The following FARSB variants were observed in gnomAD, a reference collection of about 807,000 sequenced individuals.
FARSB encodes the protein phenylalanyl-tRNA synthetase subunit beta.
Under a neutral mutation model 69.6 loss-of-function variants are expected in FARSB, and 40 were observed. That is an observed-to-expected ratio of 0.57 (90% CI 0.45 to 0.75). The LOEUF is 0.75. Ranked by LOEUF, FARSB falls within the 30% of genes least tolerant of loss-of-function variation. The pLI is 0.00. For synonymous variants in FARSB, 235 were observed against 247.2 expected (o/e 0.95, Z 0.46); for missense variants, 632 against 722.9 (o/e 0.87, Z 1.44).
At chr2:222,594,093 CA>C (rs33937937) in intron 16 of FARSB, among the ~76,000 whole-genome samples, 48 of 51,574 alleles carry the variant, frequency 9.3e-4, no homozygotes, top group African/African-American at 3.2e-3. Flanking sequence ...CCCGCCTCTA[CA>C]AAAAAAAAAA....
chr2:222,582,403 C>T (rs1213702561), intron 16 of FARSB, among the ~76,000 whole-genome samples: 1 of 152,164 alleles, frequency 6.6e-6, no homozygotes, highest in Non-Finnish European at 1.5e-5. Flanking sequence ...TGCACACATA[C>T]ATCAGAAGGA....
At chr2:222,591,614 A>G (rs1690278725) in intron 16 of FARSB, among the ~76,000 whole-genome samples, 1 of 152,226 alleles carries the variant, frequency 6.6e-6, no homozygotes, top group African/African-American at 2.4e-5. Context: ...AAACTTCTTC[A>G]TTTTCTACAA....
rs192845696 is a variant in FARSB, at chr2:222,586,593, T to C, written c.1618+13335A>G. Among the ~76,000 whole-genome samples, 409 of 152,252 alleles carry C rather than the reference T, an allele frequency of 2.7e-3. 1 individual carries two copies. The highest frequency in any genetic ancestry group is 9.4e-3 in the African/African-American group (389 of 41,540). On this transcript the variant is annotated intron_variant, in intron 16 of 16. Coordinates refer to ENST00000281828, the MANE Select transcript of FARSB (RefSeq NM_005687.5). ...ATTGGATAGAATCAAGACCCATCAG[T>C]GTGCTGTATTCAGGAGACTCATCTC...
intron 7 of FARSB, among the ~76,000 whole-genome samples, chr2:222,632,043 TGGTGCAATGGCAC>T (rs1691441600): frequency 1.3e-5 from 2 of 152,052 alleles, no homozygotes; most frequent in African/African-American, 4.8e-5. Flanking sequence ...TGGCACGACA[TGGTGCAATGGCAC>T]GACATGGTGC....
intron 16 of FARSB, among the ~76,000 whole-genome samples, chr2:222,589,027 C>A (rs953454817): frequency 2.0e-5 from 3 of 152,060 alleles, no homozygotes; most frequent in East Asian, 3.9e-4. Context: ...GTTCATATGG[C>A]ACCAAAAAAG....
rs1005902212 is a variant in FARSB, at chr2:222,571,734, C to G, written c.*137G>C. 1.5e-5 allele frequency: 11 copies of G among 715,572 alleles called. No individual in the cohort carries two copies. Among genetic ancestry groups the G allele is most frequent in the Non-Finnish European group, 2.3e-5 (10 of 437,796 alleles). The allele number at this position is 715,572 out of a possible 1,614,324, so 44.3% of individuals were successfully genotyped here. A position where few individuals can be genotyped will look rare whatever the true frequency, so the allele number is the denominator to read the frequency against. ...TATGCAGGGAAAGGATGGTCTCTAC[C>G]CACACAGCCAGACAGTGCTTTCTAC... is the stretch of plus-strand genomic sequence containing the variant. On this transcript the variant is annotated 3_prime_UTR_variant, in exon 17 of 17. Coordinates refer to ENST00000281828, the MANE Select transcript of FARSB (RefSeq NM_005687.5).
chr2:222,632,112 G>A (rs1384672867), intron 7 of FARSB, among the ~76,000 whole-genome samples: 1 of 151,088 alleles, frequency 6.6e-6, no homozygotes, highest in Non-Finnish European at 1.5e-5. Context: ...GGCAACAAAA[G>A]CAAATCTCTG....
chr2:222,600,124 A>G, intron 15 of FARSB, 41 bp from the exon 16 acceptor site: 1 of 1,522,376 alleles, frequency 6.6e-7, no homozygotes, highest in Non-Finnish European at 8.8e-7. Flanking sequence ...TGTATTAACC[A>G]TTGCTTAAGA....
At chr2:222,606,105 TA>T (rs1690698192) in intron 15 of FARSB, among the ~76,000 whole-genome samples, 1 of 152,140 alleles carries the variant, frequency 6.6e-6, no homozygotes, top group South Asian at 2.1e-4. Context: ...CCGTAATAAT[TA>T]GATTAACCTC....
At chr2:222,649,593 T>C (rs1289206146) in intron 1 of FARSB, among the ~76,000 whole-genome samples, 1 of 152,236 alleles carries the variant, frequency 6.6e-6, no homozygotes, top group Non-Finnish European at 1.5e-5. Context: ...TTTCTTGGTA[T>C]CTTGTGTCAA....
chr2:222,588,261 A>T (rs1690173776), intron 16 of FARSB, among the ~76,000 whole-genome samples: 1 of 152,248 alleles, frequency 6.6e-6, no homozygotes, highest in Non-Finnish European at 1.5e-5. Flanking sequence ...GACAAAAACC[A>T]CATGATTATC....
At chr2:222,613,368 A>C (rs1690906893) in intron 15 of FARSB, among the ~76,000 whole-genome samples, 1 of 152,112 alleles carries the variant, frequency 6.6e-6, no homozygotes, top group Admixed American at 6.5e-5. Context: ...AACATGGTGA[A>C]ACACCGTCTC....
chr2:222,574,494 C>T (rs1435090011), intron 16 of FARSB, among the ~76,000 whole-genome samples: 3 of 152,194 alleles, frequency 2.0e-5, no homozygotes, highest in South Asian at 2.1e-4. Context: ...GCCTTCACAG[C>T]GGTCCAATGG....
chr2:222,568,439 GATCT>G lies in FARSB; in HGVS notation c.*3428_*3431del, dbSNP rs1468107497. ...CTATGTGACTTCTGAGTAAGTTATT[GATCT>G]CTCTGAAACTCAACTGTTTTCACCC... On this transcript the variant is annotated 3_prime_UTR_variant, in exon 17 of 17. Coordinates refer to ENST00000281828, the MANE Select transcript of FARSB (RefSeq NM_005687.5). The surrounding 1 kb of genome is among the most constrained non-coding windows in gnomAD (Gnocchi z 4.3). 1 of 152,104 alleles carries G rather than the reference GATCT, an allele frequency of 6.6e-6. No homozygotes were observed. Among genetic ancestry groups the G allele is most frequent in the African/African-American group, 2.4e-5 (1 of 41,412 alleles). 9.4% of individuals were successfully genotyped at this position (152,104 alleles called of 1,614,324 possible).
intron 15 of FARSB, among the ~76,000 whole-genome samples, chr2:222,611,845 C>T (rs753110686): frequency 6.6e-5 from 10 of 152,158 alleles, no homozygotes; most frequent in East Asian, 1.9e-4. Context: ...CTTCCTCACC[C>T]GCACCCTCTG....
Position 222,624,280 on chromosome 2 carries a change from C to T in FARSB, c.1162G>A (p.Ala388Thr). 6 of 1,598,234 alleles carry T rather than the reference C, an allele frequency of 3.8e-6. No homozygotes were observed. The highest frequency in any genetic ancestry group is 5.1e-6 in the Non-Finnish European group (6 of 1,166,784). Residue 388 changes from alanine to threonine, a missense_variant, in exon 12 of 17, where the codon GCT (alanine) becomes ACT (threonine). Coordinates refer to ENST00000281828, the MANE Select transcript of FARSB (RefSeq NM_005687.5). ...TAAGGGTGCAATCTTACTTGATTAG[C>T]TATGGTGTAAGTTTTCGGGAGAGTC... ...QMTLPKTYTI[A>T]NQFPLNKLTE... is the part of the protein sequence containing the mutation.
intron 16 of FARSB, among the ~76,000 whole-genome samples, chr2:222,572,772 C>T (rs954030501): frequency 6.6e-6 from 1 of 152,176 alleles, no homozygotes; most frequent in Admixed American, 6.5e-5. Context: ...CTTACCAAGG[C>T]AGTAACAGTT....
rs1691699568 is a variant in FARSB at position 222,640,764 on chromosome 2, A to G, written c.339+98T>C. The G allele has an allele frequency of 4.4e-6, 3 of 674,488 alleles. 1 individual carries two copies. The South Asian group carries it at 5.4e-5, about 12-fold the overall frequency. The allele number at this position is 674,488 out of a possible 1,614,324, so 41.8% of individuals were successfully genotyped here. ...GAGCCAGACCCTGTCTCAAAACAAA[A>G]AAAAAAGAGTAAGCTTTGTTTCTCT... On this transcript the variant is annotated intron_variant, in intron 4 of 16. Coordinates refer to ENST00000281828, the MANE Select transcript of FARSB (RefSeq NM_005687.5).
chr2:222,587,818 A>T (rs866505244), intron 16 of FARSB, among the ~76,000 whole-genome samples: 102 of 152,234 alleles, frequency 6.7e-4, no homozygotes, highest in African/African-American at 2.3e-3. Context: ...GAAGAATTTG[A>T]ATCCCTGAAT....
Sources: gnomAD v4.1 joint callset for allele counts (sites outside exome capture counted in the v4.1 genomes callset) on GRCh38, gnomAD v4.1.1 for gene constraint, Gnocchi (gnomAD v3.1) non-coding constraint, MANE v1.5 for transcripts, NCBI Gene and HGNC (gene_info 2026-07-23, HGNC 2026-07-21) for gene names.